The following VPS26C variants were observed in gnomAD, a reference collection of about 807,000 sequenced individuals.
VPS26C encodes the protein VPS26 endosomal protein sorting factor C, also known as vacuolar protein sorting-associated protein 26C.
VPS26C carries 19 observed loss-of-function variants against 30.6 expected under a neutral mutation model. That is an observed-to-expected ratio of 0.62 (90% CI 0.43 to 0.91). The LOEUF is 0.91. Among genes scored for constraint, VPS26C ranks in the 40% least tolerant of loss-of-function variants. The pLI, the probability that VPS26C is intolerant of heterozygous loss-of-function variation, is 0.00. For missense variants in VPS26C, 318 were observed against 385.1 expected (o/e 0.83, Z 1.46); for synonymous variants, 132 against 151.5 (o/e 0.87, Z 0.95).
intron 2 of VPS26C, among the ~76,000 whole-genome samples, chr21:37,239,583 C>A (rs1211135040): frequency 2.0e-5 from 3 of 150,882 alleles, no homozygotes. Context: ...ACAGGCACAA[C>A]TTCTCAGAAG....
chr21:37,232,849 T>A (rs1359115437), intron 4 of VPS26C, among the ~76,000 whole-genome samples: 1 of 152,206 alleles, frequency 6.6e-6, no homozygotes, highest in Non-Finnish European at 1.5e-5. Context: ...CTCAGTGGCC[T>A]GCTCAGCTCA....
intron 7 of VPS26C, 92 bp downstream of exon 7, chr21:37,227,562 G>T: frequency 1.4e-6 from 2 of 1,446,848 alleles, no homozygotes; most frequent in Admixed American, 3.6e-5. Flanking sequence ...CCGAAGGGCG[G>T]CAGGTTCTGA....
intron 1 of VPS26C, among the ~76,000 whole-genome samples, chr21:37,266,276 G>T (rs9984493): frequency 0.21 from 31,295 of 152,034 alleles, 3,587 homozygotes; most frequent in South Asian, 0.29. Flanking sequence ...GTGTAAATAA[G>T]AGCAGGCTTC....
intron 4 of VPS26C, 138 bp from the exon 5 acceptor site, chr21:37,232,589 G>C (rs2085977667): frequency 2.9e-6 from 2 of 699,194 alleles, no homozygotes; most frequent in Admixed American, 2.4e-5. Context: ...CGCAAGCCTG[G>C]GTCCTGAACA....
In VPS26C at chr21:37,257,902, A is replaced by C. The variant is rs949109967; in HGVS notation, c.57+9336T>G. On this transcript the variant is annotated intron_variant, in intron 1 of 7. Coordinates refer to ENST00000309117, the MANE Select transcript of VPS26C (RefSeq NM_006052.2). The surrounding 1 kb of genome is among the most constrained non-coding windows in gnomAD (Gnocchi z 4.2). ...GGGGCACCAAGCGGGGAGCGGGGCC[A>C]CGAGGCAGGGGACAGTGAAGCACCA... 6.6e-6 allele frequency among the ~76,000 whole-genome samples: 1 copy of C among 151,952 alleles called. No individual in the cohort carries two copies. The highest frequency in any genetic ancestry group is 2.4e-5 in the African/African-American group (1 of 41,198).
At position 37,233,441 on chromosome 21, in the gene VPS26C, T is replaced by C. The variant is rs1166117486; in HGVS notation, c.353A>G (p.Tyr118Cys). 12 of 1,613,484 alleles carry C rather than the reference T, an allele frequency of 7.4e-6. No individual in the cohort carries two copies. The highest frequency in any genetic ancestry group is 1.0e-5 in the Non-Finnish European group (12 of 1,179,472). ...CCGCTTCATGTCACAGCGCAGTGTA[T>C]ACTAAAGGGGAGAGTTGGAGGAAAA... is the stretch of plus-strand genomic sequence containing the variant. Reference protein sequence around the residue: ...TYHGVFVNIQYTLRCDMKRSL... With the variant: ...TYHGVFVNIQCTLRCDMKRSL... The change falls in exon 4 of 8, where the codon TAT becomes TGT. Residue 118 changes from tyrosine to cysteine, a missense_variant and splice_region_variant. Coordinates refer to ENST00000309117, the MANE Select transcript of VPS26C (RefSeq NM_006052.2). This position sits in a 1 kb window ranked among gnomAD's most constrained non-coding sequence, Gnocchi z 5.2.
chr21:37,247,278 A>G (rs1476344236), intron 1 of VPS26C, among the ~76,000 whole-genome samples: 5 of 152,214 alleles, frequency 3.3e-5, no homozygotes, highest in Non-Finnish European at 7.3e-5. Context: ...ATGTCGTACA[A>G]ATAAACTTAA....
chr21:37,233,521 G>A lies in VPS26C; in HGVS notation c.352-79C>T, dbSNP rs887941964. On this transcript the variant is annotated intron_variant, in intron 3 of 7. Transcript: ENST00000309117. This position sits in a 1 kb window ranked among gnomAD's most constrained non-coding sequence, Gnocchi z 5.2. ...CTTGGAATTATATTCAAAGAGACAA[G>A]TCAGTCAACATATTTTAGGGAAATG... The A allele has an allele frequency of 1.2e-5, 12 of 1,029,570 alleles. No individual in the cohort carries two copies. In the African/African-American group the frequency reaches 1.3e-4, roughly 11 times the overall value. 63.8% of individuals were successfully genotyped at this position (1,029,570 alleles called of 1,614,324 possible).
At position 37,232,426 on chromosome 21, in the gene VPS26C, C is replaced by A; in HGVS notation, c.458G>T (p.Ser153Ile). The A allele has an allele frequency of 1.9e-6, 3 of 1,614,222 alleles. No homozygotes were observed. Among genetic ancestry groups the A allele is most frequent in the Non-Finnish European group, 2.5e-6 (3 of 1,180,030 alleles). The part of the protein sequence containing the change: ...SAPQKGKFTP[S>I]PVDFTITPET... ...AGGTGTAATCGTGAAGTCCACGGGA[C>A]TGGGAGTAAACTTCCCCTTCTGAGG... Residue 153 changes from serine (S) to isoleucine (I), a missense_variant, in exon 5 of 8, where the codon AGT becomes ATT. Transcript: ENST00000309117.
chr21:37,255,171 C>T (rs1423365130), intron 1 of VPS26C, among the ~76,000 whole-genome samples: 2 of 152,090 alleles, frequency 1.3e-5, no homozygotes, highest in Non-Finnish European at 2.9e-5. Flanking sequence ...TTAGAAAAAG[C>T]TTAGTTTTTT....
At position 37,263,964 on chromosome 21, in the gene VPS26C, T is replaced by C. The variant is rs545401050; in HGVS notation, c.57+3274A>G. The stretch of plus-strand genomic sequence containing the variant: ...AACTAGATGTGACATATGCACTGTC[T>C]GCAGTCAATGAGGCCTCCTCAAGGA... On this transcript the variant is annotated intron_variant, in intron 1 of 7. Transcript: ENST00000309117. Among the ~76,000 whole-genome samples, 31 of 152,272 alleles carry C rather than the reference T, an allele frequency of 2.0e-4. No individual in the cohort carries two copies. The South Asian group carries it at 6.0e-3, about 30-fold the overall frequency.
chr21:37,242,613 C>G (rs1044329682), intron 1 of VPS26C, among the ~76,000 whole-genome samples: 6 of 152,140 alleles, frequency 3.9e-5, no homozygotes, highest in African/African-American at 9.7e-5. Context: ...TTTAAATCCA[C>G]TAGTATATTT....
intron 1 of VPS26C, among the ~76,000 whole-genome samples, chr21:37,253,854 T>C (rs1370651348): frequency 1.3e-5 from 2 of 152,208 alleles, no homozygotes; most frequent in Admixed American, 1.3e-4. Context: ...GGATTAGGGA[T>C]GCTCAACCAT....
rs1236301766 is a variant in VPS26C, at chr21:37,224,090, A to C, written c.*1454T>G. On this transcript the variant is annotated 3_prime_UTR_variant, in exon 8 of 8. Coordinates refer to ENST00000309117, the MANE Select transcript of VPS26C (RefSeq NM_006052.2). Reference sequence around the variant, plus strand: ...GCTCAGAGGCAGACCAAATTCATCAAGTCAAGGACCTTTTCCTGCTACCAC... The same window carrying C: ...GCTCAGAGGCAGACCAAATTCATCACGTCAAGGACCTTTTCCTGCTACCAC... 6.6e-6 allele frequency: 1 copy of C among 152,256 alleles called. No homozygotes were observed. The highest frequency in any genetic ancestry group is 1.5e-5 in the Non-Finnish European group (1 of 68,054). 9.4% of individuals were successfully genotyped at this position (152,256 alleles called of 1,614,324 possible).
intron 3 of VPS26C, chr21:37,237,606 A>G (rs1413866014): frequency 4.6e-5 from 7 of 152,260 alleles, no homozygotes; most frequent in Non-Finnish European, 8.8e-5. Flanking sequence ...TTTTCTTCAC[A>G]GAAGATGTAC....
chr21:37,267,219 A>AGC lies in VPS26C; in HGVS notation c.57+18_57+19insGC. The stretch of plus-strand genomic sequence containing the variant: ...CCCGCCCAACCCCACCTCCATCCCC[A>AGC]CCCCCAGCCCCCACTTACCCCGGCG... On this transcript the variant is annotated intron_variant, in intron 1 of 7. Coordinates refer to ENST00000309117, the MANE Select transcript of VPS26C (RefSeq NM_006052.2). 21 of 225,458 alleles carry AGC rather than the reference A, an allele frequency of 9.3e-5. No homozygotes were observed. Among genetic ancestry groups the AGC allele is most frequent in the African/African-American group, 2.2e-4 (2 of 8,984 alleles). The allele number at this position is 225,458 out of a possible 1,614,324, so 14.0% of individuals were successfully genotyped here. A position where few individuals can be genotyped will look rare whatever the true frequency, so the allele number is the denominator to read the frequency against.
intron 1 of VPS26C, chr21:37,261,082 T>A (rs563875908): frequency 6.6e-6 from 1 of 152,196 alleles, no homozygotes; most frequent in South Asian, 2.1e-4. Context: ...AATACAAAGA[T>A]AAACAAAACC....
chr21:37,246,630 A>G lies in VPS26C; in HGVS notation c.58-5991T>C, dbSNP rs181906004. 1.1e-3 allele frequency among the ~76,000 whole-genome samples: 164 copies of G among 152,356 alleles called. 1 individual carries two copies. The highest frequency in any genetic ancestry group is 3.6e-3 in the African/African-American group (151 of 41,594). On this transcript the variant is annotated intron_variant, in intron 1 of 7. Coordinates refer to ENST00000309117, the MANE Select transcript of VPS26C (RefSeq NM_006052.2). ...ATAATGAAAGAAGAGAATGCAAAAT[A>G]TAAGTCCTGACAATGTAGAATGTAA...
chr21:37,261,402 C>T (rs567310671), intron 1 of VPS26C: 14 of 152,200 alleles, frequency 9.2e-5, no homozygotes, highest in South Asian at 2.1e-4. Flanking sequence ...TTCATAGTTT[C>T]GGATCTTCTA....
Sources: gnomAD v4.1 joint callset for allele counts (sites outside exome capture counted in the v4.1 genomes callset) on GRCh38, gnomAD v4.1.1 for gene constraint, Gnocchi (gnomAD v3.1) non-coding constraint, MANE v1.5 for transcripts, NCBI Gene and HGNC (gene_info 2026-07-23, HGNC 2026-07-21) for gene names.